Variants in OSBPL10 observed in about 807,000 individuals in gnomAD.
OSBPL10 encodes the protein oxysterol binding protein like 10.
In OSBPL10, 49 loss-of-function variants were observed where a neutral mutation model predicts 81.7. That is an observed-to-expected ratio of 0.60 (90% CI 0.48 to 0.76). OSBPL10 has a LOEUF of 0.76. Among genes scored for constraint, OSBPL10 ranks in the 30% least tolerant of loss-of-function variants. OSBPL10 has a pLI of 0.00. For synonymous variants in OSBPL10, 419 were observed against 383.6 expected (o/e 1.09, Z -1.08); for missense variants, 923 against 987.8 (o/e 0.93, Z 0.88).
chr3:31,683,684 G>A lies in OSBPL10; in HGVS notation c.1676C>T (p.Thr559Ile). 6.2e-7 allele frequency: 1 copy of A among 1,614,112 alleles called. No individual in the cohort carries two copies. Among genetic ancestry groups the A allele is most frequent in the South Asian group, 1.1e-5 (1 of 91,078 alleles). Residue 559 changes from threonine (T) to isoleucine (I), a missense_variant, in exon 8 of 12, where the codon ACC becomes ATC. Physicochemically the swap from Thr to Ile is moderately conservative, Grantham distance 89. This residue lies in a region of OSBPL10 where 387 missense variants were observed against 436.3 expected (regional missense o/e 0.89). Transcript: ENST00000396556. ...GGACATGCCCATGAACTTGCTTTTG[G>A]TCCATACATGAGTGTTGACGCACAG... is the stretch of plus-strand genomic sequence containing the variant. ...KRLCVNTHVW[T>I]KSKFMGMSVG... is the part of the protein sequence containing the mutation.
chr3:31,993,258 G>A (rs1161758205), intron 2 of OSBPL10, among the ~76,000 whole-genome samples: 1 of 150,642 alleles, frequency 6.6e-6, no homozygotes, highest in Non-Finnish European at 1.5e-5. Flanking sequence ...TGACCAGGCT[G>A]GAGTGCAATG....
intron 8 of OSBPL10, among the ~76,000 whole-genome samples, chr3:31,682,413 T>C (rs1244185326): frequency 6.6e-6 from 1 of 152,220 alleles, no homozygotes; most frequent in Non-Finnish European, 1.5e-5. Context: ...CTGCCCCTGT[T>C]CACCCTGCTC....
chr3:31,711,896 T>A (rs917191851), intron 6 of OSBPL10, among the ~76,000 whole-genome samples: 1 of 151,706 alleles, frequency 6.6e-6, no homozygotes, highest in African/African-American at 2.4e-5. Flanking sequence ...AATAGAAAAA[T>A]AAATGAAAGG....
intron 1 of OSBPL10, among the ~76,000 whole-genome samples, chr3:31,970,243 C>T (rs904732302): frequency 6.6e-6 from 1 of 152,134 alleles, no homozygotes; most frequent in Non-Finnish European, 1.5e-5. Flanking sequence ...CCCCTCCCCA[C>T]AAGGAAAATT....
chr3:31,811,575 A>G lies in OSBPL10; in HGVS notation c.729+18465T>C, dbSNP rs151268662. On this transcript the variant is annotated intron_variant, in intron 4 of 11. Coordinates refer to ENST00000396556, the MANE Select transcript of OSBPL10 (RefSeq NM_017784.5). The stretch of plus-strand genomic sequence containing the variant: ...ATAACACTTTACAGACAGGAAAAAG[A>G]AACAGTTCCTAAATGTCTTGCTACA... 3.6e-3 allele frequency among the ~76,000 whole-genome samples: 545 copies of G among 152,370 alleles called. 2 individuals carry two copies. The highest frequency in any genetic ancestry group is 0.012 in the African/African-American group (516 of 41,588).
At chr3:31,845,946 CAT>C (rs1319348680) in intron 3 of OSBPL10, among the ~76,000 whole-genome samples, 1 of 152,228 alleles carries the variant, frequency 6.6e-6, no homozygotes, top group Non-Finnish European at 1.5e-5. Context: ...GAAGATGAGA[CAT>C]GTGCTTTGCA....
chr3:31,849,164 C>A (rs1342625021), intron 3 of OSBPL10, among the ~76,000 whole-genome samples: 2 of 152,174 alleles, frequency 1.3e-5, no homozygotes, highest in Non-Finnish European at 2.9e-5. Flanking sequence ...GTGAATGAGG[C>A]CATCCAGGAA....
At chr3:31,683,465 C>T (rs1188800367) in intron 8 of OSBPL10, among the ~76,000 whole-genome samples, 169 bp downstream of exon 8, 1 of 152,172 alleles carries the variant, frequency 6.6e-6, no homozygotes, top group Non-Finnish European at 1.5e-5. Context: ...AATTACCAGA[C>T]CTTGTTCCCA....
intron 1 of OSBPL10, among the ~76,000 whole-genome samples, chr3:31,965,871 T>G (rs1698379244): frequency 1.1e-5 from 1 of 89,028 alleles, no homozygotes; most frequent in Non-Finnish European, 1.9e-5. Context: ...ATAATACATA[T>G]TATATAAAAT....
chr3:31,983,148 T>C (rs1394418862), upstream of OSBPL10, among the ~76,000 whole-genome samples: 1 of 152,210 alleles, frequency 6.6e-6, no homozygotes, highest in African/African-American at 2.4e-5. Flanking sequence ...TTTAGCATTA[T>C]TTTTTACCAC....
chr3:31,940,982 C>G (rs116353180), intron 1 of OSBPL10, among the ~76,000 whole-genome samples: 2,472 of 152,200 alleles, frequency 0.016, 26 homozygotes, highest in Non-Finnish European at 0.024. Flanking sequence ...CATTTCCCTC[C>G]CCAGAATGTG....
chr3:31,729,395 G>A (rs1451905521), intron 6 of OSBPL10, among the ~76,000 whole-genome samples: 1 of 152,116 alleles, frequency 6.6e-6, no homozygotes, highest in Non-Finnish European at 1.5e-5. Flanking sequence ...TAAAAAGGCT[G>A]GAGGAGCAGA....
intron 1 of OSBPL10, among the ~76,000 whole-genome samples, chr3:32,051,211 A>C (rs1389215112): frequency 6.6e-6 from 1 of 152,218 alleles, no homozygotes; most frequent in Non-Finnish European, 1.5e-5. Context: ...TGGGGAAAAC[A>C]GAGGAGGCAC....
At chr3:31,707,839 G>A (rs751011380) in intron 6 of OSBPL10, among the ~76,000 whole-genome samples, 57 of 152,194 alleles carry the variant, frequency 3.7e-4, no homozygotes, top group Non-Finnish European at 7.1e-4. Flanking sequence ...GTGTACTTAT[G>A]TTTTCTAGGG....
At chr3:31,948,733 A>G (rs550103632) in intron 1 of OSBPL10, among the ~76,000 whole-genome samples, 1 of 152,310 alleles carries the variant, frequency 6.6e-6, no homozygotes, top group East Asian at 1.9e-4. Flanking sequence ...CCACTAAAGC[A>G]TAGCTAAGAA....
rs183745324 is a variant in OSBPL10 at position 31,945,379 on chromosome 3, C to T, written c.281+35520G>A. On this transcript the variant is annotated intron_variant, in intron 1 of 11. Transcript: ENST00000396556. ...TATGCTCTAGGGACACTATCTGGACCGGAAGCCTCAAAACAAAAGTCAGTC... is the reference window on the plus strand; with the variant it reads ...TATGCTCTAGGGACACTATCTGGACTGGAAGCCTCAAAACAAAAGTCAGTC... Among the ~76,000 whole-genome samples, 532 of 152,200 alleles carry T rather than the reference C, an allele frequency of 3.5e-3. 1 individual carries two copies. Among genetic ancestry groups the T allele is most frequent in the Non-Finnish European group, 5.9e-3 (398 of 68,020 alleles).
chr3:31,898,935 A>C (rs187161768), intron 1 of OSBPL10, among the ~76,000 whole-genome samples: 1 of 145,768 alleles, frequency 6.9e-6, no homozygotes, highest in African/African-American at 2.5e-5. Flanking sequence ...AAAGTTTAAG[A>C]CAGTTAACTT....
intron 7 of OSBPL10, among the ~76,000 whole-genome samples, chr3:31,685,577 G>A (rs1700772749): frequency 6.6e-6 from 1 of 152,168 alleles, no homozygotes; most frequent in Admixed American, 6.5e-5. Flanking sequence ...TTTGAAACTG[G>A]AAAGCTAGCC....
At chr3:31,946,199 C>G (rs533521174) in intron 1 of OSBPL10, among the ~76,000 whole-genome samples, 2 of 151,902 alleles carry the variant, frequency 1.3e-5, no homozygotes, top group African/African-American at 4.8e-5. Context: ...CAGCTGGTCT[C>G]GAACCCCTGA....
Sources: gnomAD v4.1 joint callset for allele counts (sites outside exome capture counted in the v4.1 genomes callset) on GRCh38, gnomAD v4.1.1 for gene constraint, gnomAD v4.1.1 regional missense constraint, MANE v1.5 for transcripts, NCBI Gene and HGNC (gene_info 2026-07-23, HGNC 2026-07-21) for gene names.